The following ZCCHC7 variants were observed in gnomAD, a reference collection of about 807,000 sequenced individuals.
ZCCHC7 encodes zinc finger CCHC-type containing 7, also known as zinc finger CCHC domain-containing protein 7.
A neutral mutation model predicts 52.0 loss-of-function variants in ZCCHC7; 35 were observed. That is an observed-to-expected ratio of 0.67 (90% CI 0.51 to 0.89). The LOEUF (loss-of-function observed/expected upper bound fraction) is 0.89. Among genes scored for constraint, ZCCHC7 ranks in the 40% least tolerant of loss-of-function variants. ZCCHC7 has a pLI of 0.00. For synonymous variants in ZCCHC7, 217 were observed against 221.5 expected (o/e 0.98, Z 0.18); for missense variants, 574 against 649.1 (o/e 0.88, Z 1.26).
At chr9:37,282,346 GTAATCCCAGCACTTTGGGA>G (rs1827997560) in intron 2 of ZCCHC7, among the ~76,000 whole-genome samples, 1 of 152,116 alleles carries the variant, frequency 6.6e-6, no homozygotes, top group Admixed American at 6.5e-5. Flanking sequence ...GCTCACGCCT[GTAATCCCAGCACTTTGGGA>G]GGCCGAGACA....
chr9:37,153,478 A>G (rs2132848272), intron 2 of ZCCHC7, among the ~76,000 whole-genome samples: 1 of 151,112 alleles, frequency 6.6e-6, no homozygotes, highest in Admixed American at 6.6e-5. Context: ...GCCTGTTGTT[A>G]TTATTTGTGG....
chr9:37,220,970 A>G (rs1432185120), intron 2 of ZCCHC7, among the ~76,000 whole-genome samples: 2 of 152,146 alleles, frequency 1.3e-5, no homozygotes. Context: ...TTCCCCACAC[A>G]AGTAGTAGAG....
chr9:37,152,021 A>C (rs1021428609), intron 2 of ZCCHC7, among the ~76,000 whole-genome samples: 11 of 152,170 alleles, frequency 7.2e-5, no homozygotes, highest in Non-Finnish European at 1.5e-4. Context: ...TGAGACCAAC[A>C]GTTTTCTAAT....
chr9:37,191,546 A>G (rs1282324903), intron 2 of ZCCHC7, among the ~76,000 whole-genome samples: 1 of 152,114 alleles, frequency 6.6e-6, no homozygotes, highest in Non-Finnish European at 1.5e-5. Flanking sequence ...CTGCTCTGAG[A>G]GTTTGAACTC....
Position 37,120,582 on chromosome 9 carries a change from G to A in ZCCHC7, c.-63G>A, listed in dbSNP as rs560660348. ...CTCGCCCCTCCCCGTCCCTCTACGCGTTTTGGTTCCCGGTTGGTGCTTCCT... is the reference window on the plus strand; with the variant it reads ...CTCGCCCCTCCCCGTCCCTCTACGCATTTTGGTTCCCGGTTGGTGCTTCCT... On this transcript the variant is annotated 5_prime_UTR_variant, in exon 1 of 9. Transcript: ENST00000336755. 27 of 399,244 alleles carry A rather than the reference G, an allele frequency of 6.8e-5. No individual in the cohort carries two copies. The South Asian group carries it at 2.2e-3, about 32-fold the overall frequency. The allele number at this position is 399,244 out of a possible 1,614,324, so 24.7% of individuals were successfully genotyped here.
intron 2 of ZCCHC7, among the ~76,000 whole-genome samples, chr9:37,163,959 A>C (rs1821260090): frequency 6.6e-6 from 1 of 151,996 alleles, no homozygotes; most frequent in Non-Finnish European, 1.5e-5. Flanking sequence ...TTATTTTTTC[A>C]GTTTTGTTGA....
At chr9:37,344,747 T>A (rs753577216) in intron 6 of ZCCHC7, among the ~76,000 whole-genome samples, 23 of 152,260 alleles carry the variant, frequency 1.5e-4, no homozygotes, top group Non-Finnish European at 2.8e-4. Context: ...TTATTGGCTC[T>A]ATTTATCTTC....
At chr9:37,182,978 CA>C (rs1216662917) in intron 2 of ZCCHC7, among the ~76,000 whole-genome samples, 1 of 152,058 alleles carries the variant, frequency 6.6e-6, no homozygotes, top group Non-Finnish European at 1.5e-5. Flanking sequence ...GCCTGGGCAC[CA>C]TAGTGAGACC....
intron 2 of ZCCHC7, among the ~76,000 whole-genome samples, chr9:37,252,000 A>G (rs1826353453): frequency 6.6e-6 from 1 of 152,176 alleles, no homozygotes; most frequent in Non-Finnish European, 1.5e-5. Context: ...TATAAAACAT[A>G]GACTTATTTT....
intron 2 of ZCCHC7, among the ~76,000 whole-genome samples, chr9:37,177,341 TAAATA>T (rs913671340): frequency 7.2e-5 from 11 of 151,940 alleles, no homozygotes; most frequent in African/African-American, 2.4e-4. Flanking sequence ...TCTCAATAAA[TAAATA>T]AATAAATAAA....
chr9:37,270,921 A>G (rs1350373367), intron 2 of ZCCHC7, among the ~76,000 whole-genome samples: 1 of 152,134 alleles, frequency 6.6e-6, no homozygotes, highest in Non-Finnish European at 1.5e-5. Context: ...GAAACCCTTG[A>G]TATATAGTGT....
At chr9:37,141,568 C>T (rs144221500) in intron 2 of ZCCHC7, among the ~76,000 whole-genome samples, 18 of 151,926 alleles carry the variant, frequency 1.2e-4, no homozygotes, top group Admixed American at 7.9e-4. Context: ...TTCATGGTCA[C>T]TTTACTGTTG....
intron 5 of ZCCHC7, among the ~76,000 whole-genome samples, chr9:37,326,434 A>C (rs1830242657): frequency 6.6e-6 from 1 of 151,408 alleles, no homozygotes; most frequent in Non-Finnish European, 1.5e-5. Flanking sequence ...TTTGATATTA[A>C]AACTGGAAAG....
At chr9:37,143,215 G>A (rs1843303541) in intron 2 of ZCCHC7, among the ~76,000 whole-genome samples, 2 of 151,626 alleles carry the variant, frequency 1.3e-5, no homozygotes, top group Admixed American at 6.6e-5. Flanking sequence ...TCTTTTGGCA[G>A]TGGGTGGAAG....
chr9:37,178,578 ACT>A (rs533408536), intron 2 of ZCCHC7, among the ~76,000 whole-genome samples: 123 of 152,206 alleles, frequency 8.1e-4, no homozygotes, highest in African/African-American at 2.7e-3. Context: ...TGAGGATAAA[ACT>A]CTTATAGTTA....
At chr9:37,197,754 TAA>T (rs894679723) in intron 2 of ZCCHC7, among the ~76,000 whole-genome samples, 2 of 148,134 alleles carry the variant, frequency 1.4e-5, no homozygotes, top group African/African-American at 4.9e-5. Flanking sequence ...GATGTTTTGT[TAA>T]AAAAAAAAAG....
chr9:37,330,793 C>T (rs772571913), intron 6 of ZCCHC7, among the ~76,000 whole-genome samples: 20 of 151,202 alleles, frequency 1.3e-4, no homozygotes, highest in Non-Finnish European at 2.7e-4. Context: ...GAAAGAATGT[C>T]CCTTCCCCCA....
chr9:37,222,326 A>AGTGT (rs1491397520), intron 2 of ZCCHC7, among the ~76,000 whole-genome samples: 8 of 121,522 alleles, frequency 6.6e-5, no homozygotes, highest in African/African-American at 2.1e-4. Context: ...CCAGAATAAC[A>AGTGT]GAGTGTGTGT....
intron 2 of ZCCHC7, among the ~76,000 whole-genome samples, chr9:37,247,989 A>G (rs944269581): frequency 6.6e-6 from 1 of 152,166 alleles, no homozygotes; most frequent in Non-Finnish European, 1.5e-5. Context: ...CTTGACACCA[A>G]GACAAGTCAC....
Sources: gnomAD v4.1 joint callset for allele counts (sites outside exome capture counted in the v4.1 genomes callset) on GRCh38, gnomAD v4.1.1 for gene constraint, MANE v1.5 for transcripts, NCBI Gene and HGNC (gene_info 2026-07-23, HGNC 2026-07-21) for gene names.